GPA33: variants seen among roughly 807,000 people sequenced by gnomAD.
The protein encoded by GPA33 is glycoprotein A33, also known as cell surface A33 antigen.
In GPA33, 27 loss-of-function variants were observed where a neutral mutation model predicts 35.6. The observed-to-expected ratio is 0.76, with a 90% CI of 0.56 to 1.04. The LOEUF (loss-of-function observed/expected upper bound fraction) is 1.04, where lower values mean the gene tolerates loss of function less well. GPA33 is among the 50% of genes least tolerant of loss of function. The pLI is 0.00. For missense variants in GPA33, 428 were observed against 411.9 expected, an observed-to-expected ratio of 1.04 and a Z score of -0.34; for synonymous variants, 176 against 164.0, an observed-to-expected ratio of 1.07 and a Z score of -0.56.
chr1:167,056,512 G>C (rs968041360), intron 4 of GPA33, among the ~76,000 whole-genome samples: 7 of 148,342 alleles, frequency 4.7e-5, no homozygotes, highest in Non-Finnish European at 9.0e-5. Flanking sequence ...GTGTGTCAGT[G>C]ATGTGCAGCG....
chr1:167,080,760 T>A (rs1361270255), intron 1 of GPA33, among the ~76,000 whole-genome samples: 1 of 152,246 alleles, frequency 6.6e-6, no homozygotes, highest in Non-Finnish European at 1.5e-5. Context: ...GGTTGTCATG[T>A]CTCTCTCCTC....
chr1:167,082,588 C>A (rs905625652), intron 1 of GPA33, among the ~76,000 whole-genome samples: 4 of 152,150 alleles, frequency 2.6e-5, no homozygotes, highest in Admixed American at 6.5e-5. Context: ...AAGACCTTAG[C>A]CTGGGAGGGG....
At chr1:167,067,874 A>AGT (rs954090506) in intron 3 of GPA33, among the ~76,000 whole-genome samples, 9 of 151,978 alleles carry the variant, frequency 5.9e-5, no homozygotes, top group East Asian at 1.9e-4. Context: ...AGTATGCAAG[A>AGT]GTGTGTGTGT....
chr1:167,071,385 A>G (rs969954694), intron 2 of GPA33, among the ~76,000 whole-genome samples: 1 of 152,228 alleles, frequency 6.6e-6, no homozygotes, highest in African/African-American at 2.4e-5. Context: ...ACCATGATGG[A>G]CAGAGAATGT....
At chr1:167,082,292 A>G (rs1666965449) in intron 1 of GPA33, 3 of 456,144 alleles carry the variant, frequency 6.6e-6, no homozygotes, top group South Asian at 1.5e-5. Flanking sequence ...TTCTATGTGT[A>G]CTTTTATTTC....
chr1:167,085,874 C>T (rs568765486), intron 1 of GPA33, among the ~76,000 whole-genome samples: 1 of 152,298 alleles, frequency 6.6e-6, no homozygotes, highest in South Asian at 2.1e-4. Flanking sequence ...TCAGAATCAC[C>T]TGAGTAACTT....
intron 1 of GPA33, among the ~76,000 whole-genome samples, chr1:167,084,219 G>A (rs534577153): frequency 6.6e-6 from 1 of 152,220 alleles, no homozygotes; most frequent in Non-Finnish European, 1.5e-5. Context: ...GTGGACAGCA[G>A]TTAGGAGAAG....
Position 167,053,209 on chromosome 1 carries a change from G to C in GPA33, c.*1125C>G, listed in dbSNP as rs542113946. 6.6e-6 allele frequency: 1 copy of C among 152,384 alleles called. No homozygotes were observed. Among genetic ancestry groups the C allele is most frequent in the East Asian group, 1.9e-4 (1 of 5,188 alleles). 9.4% of individuals were successfully genotyped at this position (152,384 alleles called of 1,614,324 possible). On this transcript the variant is annotated 3_prime_UTR_variant, in exon 7 of 7. Transcript: ENST00000367868. Reference sequence around the variant, plus strand: ...AGGAACAACCAGGAACCCCATGTGGGTTGAGGAGACATGCCAATTATTCTG... The same window carrying C: ...AGGAACAACCAGGAACCCCATGTGGCTTGAGGAGACATGCCAATTATTCTG...
chr1:167,083,564 T>C (rs1170831659), intron 1 of GPA33, among the ~76,000 whole-genome samples: 1 of 152,196 alleles, frequency 6.6e-6, no homozygotes, highest in Non-Finnish European at 1.5e-5. Flanking sequence ...GCGTTCACTG[T>C]TCCAGGGAAG....
chr1:167,074,109 T>C (rs1666777034), intron 1 of GPA33, among the ~76,000 whole-genome samples: 1 of 150,254 alleles, frequency 6.7e-6, no homozygotes, highest in Non-Finnish European at 1.5e-5. Flanking sequence ...CGTATGAGTT[T>C]ATCAGAACAA....
At chr1:167,070,423 C>T (rs1271215980) in intron 2 of GPA33, among the ~76,000 whole-genome samples, 1 of 152,144 alleles carries the variant, frequency 6.6e-6, no homozygotes. Flanking sequence ...TGATTACACT[C>T]ATTTTACAAA....
chr1:167,073,932 G>T (rs968211079), intron 1 of GPA33, among the ~76,000 whole-genome samples: 1 of 152,070 alleles, frequency 6.6e-6, no homozygotes, highest in Non-Finnish European at 1.5e-5. Flanking sequence ...ACTCCCTGGC[G>T]CATAGAAAAC....
At chr1:167,071,960 C>G (rs1295717409) in intron 2 of GPA33, among the ~76,000 whole-genome samples, 1 of 152,214 alleles carries the variant, frequency 6.6e-6, no homozygotes, top group African/African-American at 2.4e-5. Context: ...GCAGAGACCT[C>G]AAGTCTGGCC....
intron 4 of GPA33, among the ~76,000 whole-genome samples, chr1:167,060,026 G>C (rs1666400327): frequency 6.6e-6 from 1 of 152,188 alleles, no homozygotes; most frequent in Non-Finnish European, 1.5e-5. Context: ...AATAATTTGG[G>C]CTGACCCACA....
chr1:167,056,586 G>GTATGGC (rs1558001573), intron 4 of GPA33, among the ~76,000 whole-genome samples: 9 of 3,650 alleles, frequency 2.5e-3, no homozygotes, highest in Non-Finnish European at 5.1e-3. Context: ...GCATATGTGT[G>GTATGGC]GTATGTGTGT....
chr1:167,090,184 A>G, intron 1 of GPA33, 61 bp downstream of exon 1: 1 of 1,296,342 alleles, frequency 7.7e-7, no homozygotes, highest in Non-Finnish European at 1.1e-6. Flanking sequence ...CCTCTCCTTC[A>G]GCCCTAGGTC....
chr1:167,076,353 T>C (rs1349608782), intron 1 of GPA33, among the ~76,000 whole-genome samples: 3 of 151,918 alleles, frequency 2.0e-5, no homozygotes, highest in Admixed American at 2.0e-4. Flanking sequence ...AAGGTGCAAG[T>C]GGGCTGGTAG....
At chr1:167,068,178 T>C (rs993336628) in intron 3 of GPA33, among the ~76,000 whole-genome samples, 1 of 152,148 alleles carries the variant, frequency 6.6e-6, no homozygotes, top group Non-Finnish European at 1.5e-5. Context: ...AAAAGATCTT[T>C]GTTTTGGTTT....
rs1666147806 is a variant in GPA33 at position 167,052,994 on chromosome 1, T to C, written c.*1340A>G. The stretch of plus-strand genomic sequence containing the variant: ...GATCATCCAGAAAAGATAGCAATAG[T>C]AAACTGCAGTTGGGTGAGACCAGCC... On this transcript the variant is annotated 3_prime_UTR_variant, in exon 7 of 7. Coordinates refer to ENST00000367868, the MANE Select transcript of GPA33 (RefSeq NM_005814.3). 6.6e-6 allele frequency: 1 copy of C among 152,182 alleles called. No individual in the cohort carries two copies. Among genetic ancestry groups the C allele is most frequent in the Non-Finnish European group, 1.5e-5 (1 of 68,032 alleles). 9.4% of individuals were successfully genotyped at this position (152,182 alleles called of 1,614,324 possible). A position where few individuals can be genotyped will look rare whatever the true frequency, so the allele number is the denominator to read the frequency against.
Sources: gnomAD v4.1 joint callset for allele counts (sites outside exome capture counted in the v4.1 genomes callset) on GRCh38, gnomAD v4.1.1 for gene constraint, MANE v1.5 for transcripts, NCBI Gene and HGNC (gene_info 2026-07-23, HGNC 2026-07-21) for gene names.